The following CSTF1 variants were observed in gnomAD, a reference collection of about 807,000 sequenced individuals.
CSTF1 encodes cleavage stimulation factor subunit 1, also known as CF-1 50 kDa subunit.
In CSTF1, 2 loss-of-function variants were observed where a neutral mutation model predicts 40.9. That is an observed-to-expected ratio of 0.05 (90% CI 0.02 to 0.15). The LOEUF (loss-of-function observed/expected upper bound fraction) is 0.15. Among genes scored for constraint, CSTF1 ranks in the 10% least tolerant of loss-of-function variants. The pLI is 1.00. For synonymous variants in CSTF1, 218 were observed against 207.2 expected (o/e 1.05, Z -0.45); for missense variants, 279 against 558.9 (o/e 0.50, Z 5.05).
At chr20:56,392,416 A>C (rs1256941271), upstream of CSTF1, 9 of 152,330 alleles carry the variant, frequency 5.9e-5, no homozygotes, top group African/African-American at 2.2e-4. Flanking sequence ...GACCTGTGGC[A>C]GTCCCAGCCC....
chr20:56,401,804 G>T (rs974379179), intron 5 of CSTF1, among the ~76,000 whole-genome samples: 7 of 152,088 alleles, frequency 4.6e-5, no homozygotes, highest in Non-Finnish European at 8.8e-5. Flanking sequence ...AGCCTTATGG[G>T]GTAGGTTCTG....
At chr20:56,395,494 T>C in intron 1 of CSTF1, 27 bp from the exon 2 acceptor site, 1 of 1,513,638 alleles carries the variant, frequency 6.6e-7, no homozygotes, top group African/African-American at 1.4e-5. Flanking sequence ...GCCTGTACCC[T>C]TCACCGTCCA....
rs1164242665 is a variant in CSTF1 at position 56,397,365 on chromosome 20, C to G, written c.328C>G (p.Pro110Ala). 6.2e-7 allele frequency: 1 copy of G among 1,614,000 alleles called. No homozygotes were observed. The highest frequency in any genetic ancestry group is 1.1e-5 in the South Asian group (1 of 91,088). ...ETCYVTSHKG[P>A]CRVATYSRDG... is the part of the protein sequence containing the mutation. ...ATGCTATGTCACATCACATAAAGGA[C>G]CATGCCGTGTAGCTACCTATAGTAG... is the stretch of plus-strand genomic sequence containing the variant. The change falls in exon 3 of 6, where the codon CCA (proline) becomes GCA (alanine). Residue 110 changes from proline to alanine, a missense_variant. Physicochemically the swap from Pro to Ala is conservative, Grantham distance 27. Coordinates refer to ENST00000217109, the MANE Select transcript of CSTF1 (RefSeq NM_001324.3). The surrounding 1 kb of genome is among the most constrained non-coding windows in gnomAD (Gnocchi z 4.4).
rs762917424 is a variant in CSTF1, at chr20:56,395,904, C to G, written c.169+183C>G. The G allele has an allele frequency of 4.9e-6, 3 of 610,282 alleles. No individual in the cohort carries two copies. The African/African-American group carries it at 5.6e-5, about 11-fold the overall frequency. The allele number at this position is 610,282 out of a possible 1,614,324, so 37.8% of individuals were successfully genotyped here. ...AGTAAGTAAGGGGTAAAGCAAAGTT[C>G]AGATTATGAAGACCTTAAGCTGGTT... On this transcript the variant is annotated intron_variant, in intron 2 of 5. Coordinates refer to ENST00000217109, the MANE Select transcript of CSTF1 (RefSeq NM_001324.3).
rs745482116 is a variant in CSTF1, at chr20:56,395,711, C to T, written c.159C>T (p.Leu53=). The part of the protein sequence containing the change: ...VCAPSEQLLH[L]IKLGMENDDT... ...CACCCTCGGAGCAGCTCCTGCATCT[C>T]ATCAAACTCGGTAGATTGTGAACAC... Residue 53 remains leucine (L), a synonymous_variant, in exon 2 of 6, where the codon CTC becomes CTT. Transcript: ENST00000217109. 1.2e-6 allele frequency: 2 copies of T among 1,613,582 alleles called. No individual in the cohort carries two copies. Among genetic ancestry groups the T allele is most frequent in the Non-Finnish European group, 8.5e-7 (1 of 1,179,770 alleles).
chr20:56,392,717 C>T lies in CSTF1; in HGVS notation c.-33+4C>T, dbSNP rs1987297114. 6.6e-6 allele frequency: 1 copy of T among 152,146 alleles called. No homozygotes were observed. Among genetic ancestry groups the T allele is most frequent in the African/African-American group, 2.4e-5 (1 of 41,426 alleles). The allele number at this position is 152,146 out of a possible 1,614,324, so 9.4% of individuals were successfully genotyped here. A position where few individuals can be genotyped will look rare whatever the true frequency, so the allele number is the denominator to read the frequency against. ...ACCAAGAGAACCGGACCAGCTGGTA[C>T]TGGGACACGGGGAGAGTAGCTGGTG... On this transcript the variant is annotated splice_donor_region_variant and intron_variant, in intron 1 of 5. Transcript: ENST00000217109.
At chr20:56,402,860 A>G (rs1261054145) in intron 5 of CSTF1, among the ~76,000 whole-genome samples, 1 of 151,670 alleles carries the variant, frequency 6.6e-6, no homozygotes, top group Non-Finnish European at 1.5e-5. Flanking sequence ...ACTCGAACCC[A>G]GGAGGCGGAG....
intron 5 of CSTF1, 151 bp from the exon 6 acceptor site, chr20:56,403,317 G>A (rs1978549759): frequency 2.1e-6 from 2 of 934,302 alleles, no homozygotes; most frequent in African/African-American, 1.7e-5. Flanking sequence ...TGCCTGGTTT[G>A]ATTTTCTTTT....
At chr20:56,402,669 G>A (rs188585364) in intron 5 of CSTF1, among the ~76,000 whole-genome samples, 2 of 152,288 alleles carry the variant, frequency 1.3e-5, no homozygotes, top group African/African-American at 4.8e-5. Context: ...GGGCATGGTG[G>A]CTCACACCTG....
In CSTF1 at chr20:56,397,978, A is replaced by G. The variant is rs1465248280; in HGVS notation, c.645+137A>G. ...GACCAGGATGCATGCCCGATGGCAC[A>G]TGGATCAGATTTTGTTGGCACATAG... On this transcript the variant is annotated intron_variant, in intron 4 of 5. Coordinates refer to ENST00000217109, the MANE Select transcript of CSTF1 (RefSeq NM_001324.3). The surrounding 1 kb of genome is among the most constrained non-coding windows in gnomAD (Gnocchi z 4.4). 3.1e-5 allele frequency: 21 copies of G among 685,720 alleles called. No individual in the cohort carries two copies. The highest frequency in any genetic ancestry group is 4.9e-5 in the Non-Finnish European group (20 of 411,526). The allele number at this position is 685,720 out of a possible 1,614,324, so 42.5% of individuals were successfully genotyped here. A position where few individuals can be genotyped will look rare whatever the true frequency, so the allele number is the denominator to read the frequency against.
intron 5 of CSTF1, among the ~76,000 whole-genome samples, chr20:56,401,908 C>A (rs1978467711): frequency 6.6e-6 from 1 of 152,182 alleles, no homozygotes; most frequent in Admixed American, 6.5e-5. Context: ...CATCTGACCA[C>A]ACAGACTTTG....
At chr20:56,402,015 T>C (rs1978471314) in intron 5 of CSTF1, among the ~76,000 whole-genome samples, 1 of 152,080 alleles carries the variant, frequency 6.6e-6, no homozygotes, top group South Asian at 2.1e-4. Context: ...CTTAAAGAAG[T>C]TACAAATGAA....
chr20:56,395,791 C>G (rs1289422929), intron 2 of CSTF1, 70 bp downstream of exon 2: 2 of 1,533,486 alleles, frequency 1.3e-6, no homozygotes, highest in African/African-American at 1.4e-5. Flanking sequence ...CAGAATTTTT[C>G]AAGATTATTC....
rs1323258388 is a variant in CSTF1, at chr20:56,405,102, T to C, written c.*1375T>C. 4 of 152,142 alleles carry C rather than the reference T, an allele frequency of 2.6e-5. No individual in the cohort carries two copies. Among genetic ancestry groups the C allele is most frequent in the African/African-American group, 4.8e-5 (2 of 41,416 alleles). The allele number at this position is 152,142 out of a possible 1,614,324, so 9.4% of individuals were successfully genotyped here. A position where few individuals can be genotyped will look rare whatever the true frequency, so the allele number is the denominator to read the frequency against. On this transcript the variant is annotated 3_prime_UTR_variant, in exon 6 of 6. Coordinates refer to ENST00000217109, the MANE Select transcript of CSTF1 (RefSeq NM_001324.3). Reference sequence around the variant, plus strand: ...AAAAACAAATACCTTATGATCTGCATAGGAGTACCTAGAAATATAATCTGG... The same window carrying C: ...AAAAACAAATACCTTATGATCTGCACAGGAGTACCTAGAAATATAATCTGG...
intron 4 of CSTF1, among the ~76,000 whole-genome samples, chr20:56,398,199 A>G (rs1978322193): frequency 6.6e-6 from 1 of 152,272 alleles, no homozygotes; most frequent in African/African-American, 2.4e-5. Context: ...TTTCCTGGCA[A>G]GGTGACATTC....
Position 56,399,048 on chromosome 20 carries a change from C to CT in CSTF1, c.730dup (p.Tyr244LeufsTer2), listed in dbSNP as rs1441261448. Reference sequence around the variant, plus strand: ...CGGAACTCAGCATCCTACTCTTCGCCTTTATGATATCAACACCTTTCAATG... The same window carrying CT: ...CGGAACTCAGCATCCTACTCTTCGCCTTTTATGATATCAACACCTTTCAATG... On this transcript the variant is annotated frameshift_variant, in exon 5 of 6. Transcript: ENST00000217109. LOFTEE classifies it high-confidence loss of function. This position sits in a 1 kb window ranked among gnomAD's most constrained non-coding sequence, Gnocchi z 4.6. 6 of 1,614,026 alleles carry CT rather than the reference C, an allele frequency of 3.7e-6. No individual in the cohort carries two copies. Among genetic ancestry groups the CT allele is most frequent in the Non-Finnish European group, 5.1e-6 (6 of 1,179,992 alleles).
chr20:56,398,869 T>C, intron 4 of CSTF1, 98 bp from the exon 5 acceptor site: 1 of 1,169,206 alleles, frequency 8.6e-7, no homozygotes. Flanking sequence ...TAATAATTGT[T>C]TTATAGATTC....
At chr20:56,400,980 A>G (rs998461319) in intron 5 of CSTF1, among the ~76,000 whole-genome samples, 16 of 152,154 alleles carry the variant, frequency 1.1e-4, no homozygotes, top group African/African-American at 3.9e-4. Context: ...TGGAGGTTGC[A>G]GTGAGCCGAG....
rs769990325 is a variant in CSTF1, at chr20:56,398,982, C to T, written c.661C>T (p.Arg221Cys). The change falls in exon 5 of 6, where the codon CGT becomes TGT. Residue 221 changes from arginine to cysteine, a missense_variant. Coordinates refer to ENST00000217109, the MANE Select transcript of CSTF1 (RefSeq NM_001324.3). ...FKYIQEAEML[R>C]SISFHPSGDF... ...GTCCCAACAGGAAGCTGAAATGTTA[C>T]GTTCCATCTCTTTTCATCCTTCTGG... 2.5e-5 allele frequency: 40 copies of T among 1,607,600 alleles called. No individual in the cohort carries two copies. Among genetic ancestry groups the T allele is most frequent in the East Asian group, 6.7e-5 (3 of 44,816 alleles).
Sources: gnomAD v4.1 joint callset for allele counts (sites outside exome capture counted in the v4.1 genomes callset) on GRCh38, gnomAD v4.1.1 for gene constraint, Gnocchi (gnomAD v3.1) non-coding constraint, MANE v1.5 for transcripts, NCBI Gene and HGNC (gene_info 2026-07-23, HGNC 2026-07-21) for gene names.